The following NAV3 variants were observed in gnomAD, a reference collection of about 807,000 sequenced individuals.
The protein encoded by NAV3 is neuron navigator 3.
Under a neutral mutation model 244.7 loss-of-function variants are expected in NAV3, and 87 were observed. The observed-to-expected ratio is 0.36, with a 90% CI of 0.30 to 0.42. The LOEUF (loss-of-function observed/expected upper bound fraction) is 0.42, where lower values mean the gene tolerates loss of function less well. Ranked by LOEUF, NAV3 falls within the 20% of genes least tolerant of loss-of-function variation. The probability of loss-of-function intolerance (pLI) is 1.00; values close to 1 mark genes in which losing one functional copy is unlikely to be tolerated. For missense variants in NAV3, 2,663 were observed against 2,893.3 expected (o/e 0.92, Z 1.83); for synonymous variants, 1,126 against 1,042.2 (o/e 1.08, Z -1.55).
At chr12:78,070,931 T>G (rs1218545662) in intron 12 of NAV3, among the ~76,000 whole-genome samples, 19 of 147,114 alleles carry the variant, frequency 1.3e-4, no homozygotes, top group South Asian at 4.5e-4. Flanking sequence ...ATGTGCCACA[T>G]TTTCTTAATC....
chr12:77,655,046 G>C lies in NAV3; in HGVS notation c.72+82780G>C, dbSNP rs566374256. ...GAAAAACTGGAAACTCTAAAAAGCA[G>C]AGCACCTCTCCTCCTCCAAAGGATC... On this transcript the variant is annotated intron_variant, in intron 2 of 8. Transcript: ENST00000550042. Among the ~76,000 whole-genome samples the C allele has an allele frequency of 9.8e-5, 15 of 152,310 alleles. No homozygotes were observed. The East Asian group carries it at 2.9e-3, about 29-fold the overall frequency.
chr12:77,658,658 C>T (rs1252831520), intron 2 of NAV3, among the ~76,000 whole-genome samples: 2 of 152,088 alleles, frequency 1.3e-5, no homozygotes, highest in Non-Finnish European at 2.9e-5. Flanking sequence ...CAAGTCAATC[C>T]TAAGCCAAAA....
At chr12:77,788,322 G>A (rs938076429) in intron 2 of NAV3, among the ~76,000 whole-genome samples, 27 of 152,120 alleles carry the variant, frequency 1.8e-4, no homozygotes, top group Admixed American at 6.5e-5. Context: ...GTTTAAATGC[G>A]GCATTTACTT....
At chr12:77,921,054 C>A (rs1270896479) in intron 1 of NAV3, among the ~76,000 whole-genome samples, 1 of 151,988 alleles carries the variant, frequency 6.6e-6, no homozygotes, top group East Asian at 1.9e-4. Context: ...ATTCTTAAGG[C>A]TCATCTGCCA....
intron 8 of NAV3, among the ~76,000 whole-genome samples, chr12:78,007,842 T>G (rs1001123513): frequency 2.6e-5 from 4 of 152,226 alleles, no homozygotes; most frequent in Non-Finnish European, 5.9e-5. Flanking sequence ...TGTTGTCATC[T>G]TTGGGAGAAA....
chr12:77,947,022 G>T (rs146741983), intron 3 of NAV3, among the ~76,000 whole-genome samples: 1 of 152,024 alleles, frequency 6.6e-6, no homozygotes, highest in African/African-American at 2.4e-5. Context: ...CTGTTTTGTC[G>T]TAATAATTCA....
Position 78,179,610 on chromosome 12 carries a change from G to A in NAV3, c.5445G>A (p.Thr1815=), listed in dbSNP as rs372102023. 13 of 1,613,184 alleles carry A rather than the reference G, an allele frequency of 8.1e-6. No individual in the cohort carries two copies. Among genetic ancestry groups the A allele is most frequent in the African/African-American group, 4.0e-5 (3 of 74,874 alleles). The change falls in exon 29 of 40, where the codon ACG becomes ACA. Residue 1815 remains threonine, a synonymous_variant. Coordinates refer to ENST00000397909, the MANE Select transcript of NAV3 (RefSeq NM_001024383.2). ...TCAGAGAAAAGGAATTAAAATTAAC[G>A]GATATTCGGCTGGAGGCCCTCAGCT... is the stretch of plus-strand genomic sequence containing the variant. ...SELREKELKL[T]DIRLEALSSA...
intron 1 of NAV3, among the ~76,000 whole-genome samples, chr12:77,834,692 A>G (rs1874313893): frequency 6.6e-6 from 1 of 152,214 alleles, no homozygotes; most frequent in African/African-American, 2.4e-5. Flanking sequence ...GTTAGCAAAC[A>G]TATTAATCAA....
intron 2 of NAV3, among the ~76,000 whole-genome samples, chr12:77,746,254 A>G (rs1328520790): frequency 6.6e-6 from 1 of 152,110 alleles, no homozygotes. Flanking sequence ...CTCTGTCACA[A>G]TTACTCCTCA....
intron 2 of NAV3, among the ~76,000 whole-genome samples, chr12:77,707,011 T>C (rs1875847349): frequency 6.6e-6 from 1 of 151,792 alleles, no homozygotes; most frequent in Admixed American, 6.6e-5. Context: ...CCTACGAAAT[T>C]CCTACTTCCT....
At chr12:78,030,570 G>A (rs1162149272) in intron 9 of NAV3, among the ~76,000 whole-genome samples, 1 of 152,216 alleles carries the variant, frequency 6.6e-6, no homozygotes, top group African/African-American at 2.4e-5. Context: ...AAACTCAGAA[G>A]ATTGTTGTGA....
chr12:77,812,634 C>T (rs556576132), intron 2 of NAV3, among the ~76,000 whole-genome samples: 33 of 151,450 alleles, frequency 2.2e-4, no homozygotes, highest in South Asian at 4.2e-4. Flanking sequence ...AGGCTGGTCT[C>T]GAACTCCTGA....
intron 1 of NAV3, among the ~76,000 whole-genome samples, chr12:77,882,946 T>C (rs1018796347): frequency 1.6e-4 from 24 of 152,148 alleles, no homozygotes; most frequent in African/African-American, 5.5e-4. Context: ...GCTAGGCTAG[T>C]GAGGCAGCAG....
At chr12:77,926,305 T>C (rs1888210990) in intron 1 of NAV3, among the ~76,000 whole-genome samples, 1 of 152,144 alleles carries the variant, frequency 6.6e-6, no homozygotes. Flanking sequence ...CAATTTAAAG[T>C]ATTTAAAACA....
intron 2 of NAV3, among the ~76,000 whole-genome samples, chr12:77,600,955 A>G (rs79803480): frequency 0.021 from 3,156 of 152,092 alleles, 59 homozygotes; most frequent in Middle Eastern, 0.078. Context: ...TATCTGTATT[A>G]GATAATGATG....
chr12:78,193,471 A>C (rs564568808), intron 34 of NAV3, among the ~76,000 whole-genome samples: 1 of 152,158 alleles, frequency 6.6e-6, no homozygotes, highest in Non-Finnish European at 1.5e-5. Context: ...GAAAGCAGTG[A>C]TCTACCATTT....
intron 20 of NAV3, among the ~76,000 whole-genome samples, chr12:78,142,409 T>C (rs1260404615): frequency 6.6e-6 from 1 of 152,066 alleles, no homozygotes; most frequent in Non-Finnish European, 1.5e-5. Flanking sequence ...AACCATATGT[T>C]GCCATTGATT....
chr12:78,115,463 T>G (rs1955327842), intron 12 of NAV3, among the ~76,000 whole-genome samples: 1 of 152,210 alleles, frequency 6.6e-6, no homozygotes, highest in South Asian at 2.1e-4. Context: ...TTATGCTGCT[T>G]ATTCAACACT....
At chr12:77,783,893 T>G (rs7309929) in intron 2 of NAV3, among the ~76,000 whole-genome samples, 48,472 of 151,796 alleles carry the variant, frequency 0.32, 8,027 homozygotes, top group East Asian at 0.44. Flanking sequence ...GGATAAAAGT[T>G]GGTGACTTTT....
Sources: allele counts gnomAD v4.1 joint callset (sites outside exome capture counted in the v4.1 genomes callset), GRCh38; gene constraint gnomAD v4.1.1; transcripts MANE v1.5; gene names NCBI Gene and HGNC (gene_info 2026-07-23, HGNC 2026-07-21).